Variants in EME1 observed in about 807,000 individuals in gnomAD.
The protein encoded by EME1 is structure-specific endonuclease subunit EME1.
EME1 carries 61 observed loss-of-function variants against 59.1 expected under a neutral mutation model. The observed-to-expected ratio is 1.03, with a 90% CI of 0.84 to 1.28. EME1 has a LOEUF of 1.28. Among genes scored for constraint, EME1 ranks in the 50% most tolerant of loss-of-function variants. The pLI is 0.00. For synonymous variants in EME1, 230 were observed against 254.2 expected, an observed-to-expected ratio of 0.90 and a Z score of 0.90; for missense variants, 635 against 682.6, an observed-to-expected ratio of 0.93 and a Z score of 0.78.
rs1294952600 is a variant in EME1, at chr17:50,375,629, A to C, written c.421A>C (p.Lys141Gln). Residue 141 changes from lysine to glutamine, a missense_variant, in exon 2 of 9, where the codon AAG (lysine) becomes CAG (glutamine). Physicochemically the swap from Lys to Gln is moderately conservative, Grantham distance 53. Transcript: ENST00000338165. Reference sequence around the variant, plus strand: ...ATGTGACTGGAAAAAGCCCTTTCCAAAGATCCCTGAAGTTCCCCTCCATGA... The same window carrying C: ...ATGTGACTGGAAAAAGCCCTTTCCACAGATCCCTGAAGTTCCCCTCCATGA... ...ASCDWKKPFPKIPEVPLHDTP... is the reference protein window; with the variant it reads ...ASCDWKKPFPQIPEVPLHDTP... 1 of 1,613,974 alleles carries C rather than the reference A, an allele frequency of 6.2e-7. No individual in the cohort carries two copies. The highest frequency in any genetic ancestry group is 8.5e-7 in the Non-Finnish European group (1 of 1,179,998).
At position 50,373,280 on chromosome 17, in the gene EME1, G is replaced by C. The variant is rs1272224977; in HGVS notation, c.-25+3G>C. ...AAGAGTGGCGGGAGAAGTTGCAGGTGAGCGTCCCCGGTCGCAGGCCTGCGG... is the reference window on the plus strand; with the variant it reads ...AAGAGTGGCGGGAGAAGTTGCAGGTCAGCGTCCCCGGTCGCAGGCCTGCGG... On this transcript the variant is annotated splice_donor_region_variant and intron_variant, in intron 1 of 8. Transcript: ENST00000338165. 9 of 1,484,118 alleles carry C rather than the reference G, an allele frequency of 6.1e-6. No homozygotes were observed. Among genetic ancestry groups the C allele is most frequent in the Non-Finnish European group, 8.3e-6 (9 of 1,087,792 alleles). The allele number at this position is 1,484,118 out of a possible 1,614,324, so 91.9% of individuals were successfully genotyped here.
At chr17:50,379,741 C>CT in intron 7 of EME1, 174 bp downstream of exon 7, 1 of 600,056 alleles carries the variant, frequency 1.7e-6, no homozygotes, top group South Asian at 2.1e-5. Flanking sequence ...GTCCTCAAGC[C>CT]TAGCGCCTTT....
At position 50,379,587 on chromosome 17, in the gene EME1, C is replaced by T; in HGVS notation, c.1346+20C>T. 6.2e-7 allele frequency: 1 copy of T among 1,603,954 alleles called. No individual in the cohort carries two copies. Among genetic ancestry groups the T allele is most frequent in the Non-Finnish European group, 8.5e-7 (1 of 1,171,488 alleles). On this transcript the variant is annotated intron_variant, in intron 7 of 8. Coordinates refer to ENST00000338165, the MANE Select transcript of EME1 (RefSeq NM_152463.4). ...CTTCAAGTGAGTAACCCCAGCAAGT[C>T]CAGCCTCCATGCTGGGCCTGTCCTT...
At position 50,376,114 on chromosome 17, in the gene EME1, C is replaced by T. The variant is rs1279468829; in HGVS notation, c.824C>T (p.Thr275Ile). The change falls in exon 3 of 9, where the codon ACC becomes ATC. Residue 275 changes from threonine (T) to isoleucine (I), a missense_variant. Coordinates refer to ENST00000338165, the MANE Select transcript of EME1 (RefSeq NM_152463.4). ...GGGQLLGALQ[T>I]MECRCVIEAQ... ...GGCCAGCTCCTAGGAGCACTGCAGACCATGGAGTGCCGCTGTGTGATTGAG... is the reference window on the plus strand; with the variant it reads ...GGCCAGCTCCTAGGAGCACTGCAGATCATGGAGTGCCGCTGTGTGATTGAG... The T allele has an allele frequency of 1.5e-5, 24 of 1,613,954 alleles. No homozygotes were observed. Among genetic ancestry groups the T allele is most frequent in the Non-Finnish European group, 2.0e-5 (24 of 1,180,026 alleles).
rs12450550 is a variant in EME1, at chr17:50,378,832, T to C, written c.1049T>C (p.Ile350Thr). The C allele has an allele frequency of 0.25, 409,376 of 1,614,056 alleles. 55,826 individuals carry two copies. The highest frequency in any genetic ancestry group is 0.28 in the Non-Finnish European group (331,583 of 1,179,966). Residue 350 changes from isoleucine (I) to threonine (T), a missense_variant, in exon 5 of 9, where the codon ATC becomes ACC. Coordinates refer to ENST00000338165, the MANE Select transcript of EME1 (RefSeq NM_152463.4). ...KETLQGFVTD[I>T]TAKTAGKALS... ...ACGCTTCAGGGCTTTGTAACTGACA[T>C]CACAGCAAAGACAGCAGGGAAAGCT...
chr17:50,379,011 C>A, intron 5 of EME1, 96 bp from the exon 6 acceptor site: 1 of 1,611,686 alleles, frequency 6.2e-7, no homozygotes, highest in East Asian at 2.2e-5. Flanking sequence ...CCATCTCTAA[C>A]AAGTCCAGGG....
Position 50,380,646 on chromosome 17 carries a change from G to A in EME1, c.1537-117G>A, listed in dbSNP as rs924418336. ...TACTAAGATCAGTGTTGCTAATGCTGACCCAGGGAGGGAGGACAGGTTCTC... is the reference window on the plus strand; with the variant it reads ...TACTAAGATCAGTGTTGCTAATGCTAACCCAGGGAGGGAGGACAGGTTCTC... On this transcript the variant is annotated intron_variant, in intron 8 of 8. Transcript: ENST00000338165. 1.6e-5 allele frequency: 24 copies of A among 1,542,148 alleles called. No homozygotes were observed. In the African/African-American group the frequency reaches 3.3e-4, roughly 21 times the overall value.
At chr17:50,379,395 AC>A in intron 6 of EME1, 56 bp from the exon 7 acceptor site, 2 of 1,596,928 alleles carry the variant, frequency 1.3e-6, no homozygotes, top group South Asian at 2.2e-5. Flanking sequence ...GTGGACAGTG[AC>A]TTGGCAGCTA....
rs1345329919 is a variant in EME1, at chr17:50,375,432, C to A, written c.224C>A (p.Thr75Lys). The A allele has an allele frequency of 6.2e-7, 1 of 1,614,190 alleles. No individual in the cohort carries two copies. The highest frequency in any genetic ancestry group is 1.1e-5 in the South Asian group (1 of 91,076). ...PPVPEIAETV[T>K]QTQPVRLLSS... ...GTCCCAGAAATAGCTGAAACTGTCA[C>A]ACAAACACAGCCAGTCAGGTTGCTA... The change falls in exon 2 of 9, where the codon ACA becomes AAA. Residue 75 changes from threonine (T) to lysine (K), a missense_variant. Thr to Lys is a moderately conservative substitution (Grantham distance 78, BLOSUM62 -1). Coordinates refer to ENST00000338165, the MANE Select transcript of EME1 (RefSeq NM_152463.4).
intron 3 of EME1, 50 bp downstream of exon 3, chr17:50,376,243 C>T (rs767580541): frequency 7.5e-6 from 12 of 1,598,280 alleles, no homozygotes; most frequent in Non-Finnish European, 1.0e-5. Context: ...CTTACAATTA[C>T]AGGATAAATA....
At position 50,379,192 on chromosome 17, in the gene EME1, G is replaced by A. The variant is rs1368055723; in HGVS notation, c.1198G>A (p.Gly400Arg). 6.2e-7 allele frequency: 1 copy of A among 1,614,056 alleles called. No individual in the cohort carries two copies. Among genetic ancestry groups the A allele is most frequent in the Non-Finnish European group, 8.5e-7 (1 of 1,180,032 alleles). ...GCAGAGACAACCAGAGGCCAGCATAGGGTCCATGGTATCCAGGGTAGACGC... is the reference window on the plus strand; with the variant it reads ...GCAGAGACAACCAGAGGCCAGCATAAGGTCCATGGTATCCAGGGTAGACGC... ...QQQRQPEASI[G>R]SMVSRVDAEE... Residue 400 changes from glycine (G) to arginine (R), a missense_variant, in exon 6 of 9, where the codon GGG becomes AGG. By Grantham distance (125) the Gly-to-Arg change is moderately radical. Transcript: ENST00000338165.
At chr17:50,374,292 C>T (rs1913328346) in intron 1 of EME1, among the ~76,000 whole-genome samples, 1 of 152,088 alleles carries the variant, frequency 6.6e-6, no homozygotes, top group Admixed American at 6.5e-5. Flanking sequence ...GGCTGGAGTG[C>T]AGTCGTACAA....
At position 50,380,854 on chromosome 17, in the gene EME1, G is replaced by A. The variant is rs746533275; in HGVS notation, c.1628G>A (p.Arg543His). The change falls in exon 9 of 9, where the codon CGC (arginine) becomes CAC (histidine). Residue 543 changes from arginine to histidine, a missense_variant. By Grantham distance (29) the Arg-to-His change is conservative. Coordinates refer to ENST00000338165, the MANE Select transcript of EME1 (RefSeq NM_152463.4). Reference sequence around the variant, plus strand: ...GGGGAAGGTGTGACATCCACTTCTCGCCGCATTGGACCAGAACTATCCAGG... The same window carrying A: ...GGGGAAGGTGTGACATCCACTTCTCACCGCATTGGACCAGAACTATCCAGG... ...RRGEGVTSTSRRIGPELSRRI... is the reference protein window; with the variant it reads ...RRGEGVTSTSHRIGPELSRRI... The A allele has an allele frequency of 5.6e-6, 9 of 1,614,010 alleles. No individual in the cohort carries two copies. The highest frequency in any genetic ancestry group is 2.2e-5 in the East Asian group (1 of 44,892).
chr17:50,373,870 A>G (rs1184115272), intron 1 of EME1, among the ~76,000 whole-genome samples: 2 of 152,276 alleles, frequency 1.3e-5, no homozygotes, highest in Non-Finnish European at 2.9e-5. Flanking sequence ...GATAAACAAA[A>G]TGTAGCATAT....
Position 50,378,873 on chromosome 17 carries a change from G to C in EME1, c.1090G>C (p.Val364Leu), listed in dbSNP as rs1217166974. The C allele has an allele frequency of 3.1e-6, 5 of 1,614,234 alleles. No homozygotes were observed. The highest frequency in any genetic ancestry group is 4.2e-6 in the Non-Finnish European group (5 of 1,180,046). ...AGGGAAAGCTCTGTCACTGGTGATTGTGGATCAGGAGAAATGCTTCAGGTT... is the reference window on the plus strand; with the variant it reads ...AGGGAAAGCTCTGTCACTGGTGATTCTGGATCAGGAGAAATGCTTCAGGTT... ...TAGKALSLVIVDQEKCFSAQN... is the reference protein window; with the variant it reads ...TAGKALSLVILDQEKCFSAQN... Residue 364 changes from valine to leucine, a missense_variant, in exon 5 of 9, where the codon GTG becomes CTG. Transcript: ENST00000338165.
chr17:50,380,398 T>C lies in EME1; in HGVS notation c.1433T>C (p.Leu478Pro). Residue 478 changes from leucine to proline, a missense_variant, in exon 8 of 9, where the codon CTC (leucine) becomes CCC (proline). Leu to Pro is a moderately conservative substitution (Grantham distance 98, BLOSUM62 -3). Transcript: ENST00000338165. ...GVKVDLAGRG[L>P]ALVWRRQIQQ... is the part of the protein sequence containing the mutation. The stretch of plus-strand genomic sequence containing the variant: ...AAGGTGGACCTTGCTGGCAGGGGAC[T>C]CGCACTAGTCTGGAGGAGACAGATT... The C allele has an allele frequency of 6.2e-7, 1 of 1,614,166 alleles. No homozygotes were observed. The highest frequency in any genetic ancestry group is 8.5e-7 in the Non-Finnish European group (1 of 1,180,024).
chr17:50,375,309 A>G lies in EME1; in HGVS notation c.101A>G (p.Lys34Arg). 1.2e-6 allele frequency: 2 copies of G among 1,614,204 alleles called. No individual in the cohort carries two copies. The highest frequency in any genetic ancestry group is 1.7e-6 in the Non-Finnish European group (2 of 1,180,040). ...AFLKKEPSST[K>R]RRQPEREEKI... The stretch of plus-strand genomic sequence containing the variant: ...CTGAAGAAGGAACCATCTTCAACAA[A>G]GAGGAGACAGCCTGAAAGGGAAGAG... The change falls in exon 2 of 9, where the codon AAG (lysine) becomes AGG (arginine). Residue 34 changes from lysine to arginine, a missense_variant. Physicochemically the swap from Lys to Arg is conservative, Grantham distance 26 (BLOSUM62 2). Transcript: ENST00000338165.
intron 1 of EME1, among the ~76,000 whole-genome samples, chr17:50,374,753 G>A (rs1913363018): frequency 6.6e-6 from 1 of 152,102 alleles, no homozygotes; most frequent in African/African-American, 2.4e-5. Context: ...GGCTGAGGCA[G>A]GAGAATCACT....
chr17:50,377,715 A>G (rs928948339), intron 3 of EME1, among the ~76,000 whole-genome samples: 1 of 152,048 alleles, frequency 6.6e-6, no homozygotes. Context: ...CCCGTATTCA[A>G]AATGGCCCCA....
Sources: allele counts gnomAD v4.1 joint callset (sites outside exome capture counted in the v4.1 genomes callset), GRCh38; gene constraint gnomAD v4.1.1; transcripts MANE v1.5; gene names NCBI Gene and HGNC (gene_info 2026-07-23, HGNC 2026-07-21).